Variants in GPM6A observed in about 807,000 individuals in gnomAD.
The protein encoded by GPM6A is glycoprotein M6A.
GPM6A carries 7 observed loss-of-function variants against 32.1 expected under a neutral mutation model. The observed-to-expected ratio is 0.22, with a 90% CI of 0.12 to 0.41. GPM6A has a LOEUF of 0.41. Among genes scored for constraint, GPM6A ranks in the 10% least tolerant of loss-of-function variants. The probability of loss-of-function intolerance (pLI) is 1.00; values close to 1 mark genes in which losing one functional copy is unlikely to be tolerated. For missense variants in GPM6A, 235 were observed against 347.2 expected, an observed-to-expected ratio of 0.68 and a Z score of 2.57; for synonymous variants, 130 against 123.4, an observed-to-expected ratio of 1.05 and a Z score of -0.35.
At chr4:175,837,404 T>C (rs977858514) in intron 1 of GPM6A, among the ~76,000 whole-genome samples, 1 of 152,174 alleles carries the variant, frequency 6.6e-6, no homozygotes, top group Non-Finnish European at 1.5e-5. Flanking sequence ...AGGAAACTAA[T>C]ACAGCAGGCT....
chr4:175,748,655 G>A (rs2333261), intron 1 of GPM6A, among the ~76,000 whole-genome samples: 57,449 of 151,932 alleles, frequency 0.38, 11,809 homozygotes, highest in East Asian at 0.92. Context: ...TCAGGGCCCC[G>A]AGATTTTTGG....
chr4:175,737,694 T>C (rs1364381524), intron 1 of GPM6A, among the ~76,000 whole-genome samples: 2 of 152,158 alleles, frequency 1.3e-5, no homozygotes, highest in Non-Finnish European at 2.9e-5. Context: ...GGTACAAGCA[T>C]GGTACCAGAA....
intron 1 of GPM6A, among the ~76,000 whole-genome samples, chr4:175,781,743 G>A (rs1023640286): frequency 6.6e-6 from 1 of 152,096 alleles, no homozygotes; most frequent in Admixed American, 6.5e-5. Context: ...GGAACTTTGG[G>A]TGTGCTATAT....
intron 1 of GPM6A, among the ~76,000 whole-genome samples, chr4:175,988,620 T>C (rs1741048257): frequency 6.6e-6 from 1 of 152,166 alleles, no homozygotes; most frequent in Non-Finnish European, 1.5e-5. Context: ...AGTCCTTAGC[T>C]TTACTTCTAA....
At chr4:175,879,413 A>G (rs1737195445) in intron 1 of GPM6A, among the ~76,000 whole-genome samples, 1 of 152,184 alleles carries the variant, frequency 6.6e-6, no homozygotes, top group Admixed American at 6.5e-5. Context: ...ATTGACTCAC[A>G]GTTCCTCATG....
intron 1 of GPM6A, among the ~76,000 whole-genome samples, chr4:175,846,707 A>T (rs1052157673): frequency 6.6e-6 from 1 of 152,192 alleles, no homozygotes; most frequent in Non-Finnish European, 1.5e-5. Context: ...TGATTCTGCC[A>T]ATTTTCATAA....
chr4:175,770,941 C>T (rs1004836675), intron 1 of GPM6A, among the ~76,000 whole-genome samples: 20 of 152,100 alleles, frequency 1.3e-4, no homozygotes, highest in African/African-American at 4.1e-4. Flanking sequence ...AATCTGAGAG[C>T]GGCTTCCTGC....
chr4:175,892,181 C>A (rs551302961), intron 1 of GPM6A, among the ~76,000 whole-genome samples: 1 of 152,162 alleles, frequency 6.6e-6, no homozygotes, highest in Non-Finnish European at 1.5e-5. Context: ...TGAATCCTAC[C>A]TAATTGAGAG....
chr4:175,992,060 GCA>G lies in GPM6A; in HGVS notation c.-23+10247_-23+10248del, dbSNP rs1554007513. Among the ~76,000 whole-genome samples, 247 of 137,088 alleles carry G rather than the reference GCA, an allele frequency of 1.8e-3. 1 individual carries two copies. The highest frequency in any genetic ancestry group is 5.3e-3 in the African/African-American group (191 of 36,172). 89.9% of individuals were successfully genotyped at this position (137,088 alleles called of 152,430 possible). On this transcript the variant is annotated intron_variant, in intron 1 of 7. Coordinates refer to the GPM6A transcript ENST00000280187. ...GAACCCCCTACACACAAACACACAT[GCA>G]CACACACACACACACACACACACAC...
intron 1 of GPM6A, among the ~76,000 whole-genome samples, chr4:175,915,929 C>A (rs1292099360): frequency 6.6e-6 from 1 of 152,186 alleles, no homozygotes; most frequent in Non-Finnish European, 1.5e-5. Flanking sequence ...CTGCTACTTG[C>A]GTGCACACGG....
At chr4:175,688,875 C>T (rs1290960656) in intron 2 of GPM6A, among the ~76,000 whole-genome samples, 1 of 152,020 alleles carries the variant, frequency 6.6e-6, no homozygotes, top group Non-Finnish European at 1.5e-5. Context: ...TTTTTAGAGA[C>T]AGGGTGTCAC....
chr4:175,668,392 C>G (rs939947791), intron 3 of GPM6A, among the ~76,000 whole-genome samples: 1 of 151,896 alleles, frequency 6.6e-6, no homozygotes, highest in Non-Finnish European at 1.5e-5. Context: ...CACCCCACCC[C>G]CCAAATCTTC....
intron 1 of GPM6A, among the ~76,000 whole-genome samples, chr4:175,805,209 A>G (rs1734645734): frequency 6.6e-6 from 1 of 152,060 alleles, no homozygotes; most frequent in African/African-American, 2.4e-5. Flanking sequence ...TGAATTATTA[A>G]CTAAACTTTG....
intron 1 of GPM6A, among the ~76,000 whole-genome samples, chr4:175,979,621 A>C (rs1371986857): frequency 6.6e-6 from 1 of 152,162 alleles, no homozygotes; most frequent in African/African-American, 2.4e-5. Context: ...ACATATAAAA[A>C]AACTTTATAT....
chr4:175,644,834 C>A (rs1741362790), intron 4 of GPM6A, among the ~76,000 whole-genome samples: 1 of 152,120 alleles, frequency 6.6e-6, no homozygotes, highest in Non-Finnish European at 1.5e-5. Context: ...AGGCCAGGCG[C>A]AGTGGCTCAC....
intron 1 of GPM6A, among the ~76,000 whole-genome samples, chr4:175,851,460 G>A (rs560422898): frequency 3.1e-4 from 47 of 151,502 alleles, no homozygotes; most frequent in Admixed American, 4.6e-4. Flanking sequence ...ACTCCAGCCC[G>A]GGTGACAGGG....
At chr4:175,738,650 G>GA (rs1200217747) in intron 1 of GPM6A, among the ~76,000 whole-genome samples, 1 of 151,476 alleles carries the variant, frequency 6.6e-6, no homozygotes, top group East Asian at 1.9e-4. Flanking sequence ...ATTTAAGGAT[G>GA]AAAAAAAATT....
chr4:175,902,386 T>C (rs188904111), intron 1 of GPM6A, among the ~76,000 whole-genome samples: 62 of 152,268 alleles, frequency 4.1e-4, no homozygotes, highest in Admixed American at 4.0e-3. Flanking sequence ...GCCTGAAAAA[T>C]TAAGCTGCAG....
chr4:175,819,208 A>G (rs993869813), intron 1 of GPM6A, among the ~76,000 whole-genome samples: 1 of 152,058 alleles, frequency 6.6e-6, no homozygotes, highest in African/African-American at 2.4e-5. Context: ...AAACACTACT[A>G]CTAATTGAGA....
Sources: gnomAD v4.1 joint callset for allele counts (sites outside exome capture counted in the v4.1 genomes callset) on GRCh38, gnomAD v4.1.1 for gene constraint, MANE v1.5 for transcripts, NCBI Gene and HGNC (gene_info 2026-07-23, HGNC 2026-07-21) for gene names.